The following ZSCAN29 variants were observed in gnomAD, a reference collection of about 807,000 sequenced individuals.
ZSCAN29 encodes the protein zinc finger and SCAN domain-containing protein 29.
A neutral mutation model predicts 71.9 loss-of-function variants in ZSCAN29; 55 were observed. The observed-to-expected ratio is 0.76, with a 90% CI of 0.62 to 0.96. The LOEUF (loss-of-function observed/expected upper bound fraction) is 0.96. Ranked by LOEUF, ZSCAN29 falls within the 40% of genes least tolerant of loss-of-function variation. The pLI, the probability that ZSCAN29 is intolerant of heterozygous loss-of-function variation, is 0.00. For missense variants in ZSCAN29, 1,042 were observed against 1,042.2 expected, an observed-to-expected ratio of 1.00 and a Z score of 0.00; for synonymous variants, 351 against 371.6, an observed-to-expected ratio of 0.94 and a Z score of 0.64.
chr15:43,361,840 G>A lies in ZSCAN29; in HGVS notation c.1792C>T (p.Pro598Ser). The change falls in exon 6 of 6, where the codon CCC becomes TCC. Residue 598 changes from proline (P) to serine (S), a missense_variant. Transcript: ENST00000684362. ...CCTTTACCCTGATGAAGATACCGGGGAATTTTCCTTTCAGATCTTGCAAGT... is the reference window on the plus strand; with the variant it reads ...CCTTTACCCTGATGAAGATACCGGGAAATTTTCCTTTCAGATCTTGCAAGT... ...TLLARSERKI[P>S]RYLHQGKGNE... 1 of 1,614,154 alleles carries A rather than the reference G, an allele frequency of 6.2e-7. No individual in the cohort carries two copies. The highest frequency in any genetic ancestry group is 8.5e-7 in the Non-Finnish European group (1 of 1,180,032).
intron 2 of ZSCAN29, 91 bp downstream of exon 2, chr15:43,369,505 G>C: frequency 7.2e-7 from 1 of 1,389,630 alleles, no homozygotes. Context: ...CACCAAGGGA[G>C]ACTGTGTCCC....
At position 43,364,387 on chromosome 15, in the gene ZSCAN29, C is replaced by T. The variant is rs2044015448; in HGVS notation, c.1223-5G>A. 3 of 1,612,498 alleles carry T rather than the reference C, an allele frequency of 1.9e-6. No individual in the cohort carries two copies. Among genetic ancestry groups the T allele is most frequent in the Non-Finnish European group, 2.5e-6 (3 of 1,179,670 alleles). On this transcript the variant is annotated splice_polypyrimidine_tract_variant and splice_region_variant and intron_variant, in intron 4 of 5. Transcript: ENST00000684362. ...CTTCATAGCCCCAGTGTACACCTGC[C>T]ACCAGAAGAGAAATTTCAGCACCAC...
In ZSCAN29 at chr15:43,366,113, C is replaced by T. The variant is rs145808054; in HGVS notation, c.1219G>A (p.Gly407Ser). 5.4e-4 allele frequency: 863 copies of T among 1,592,474 alleles called. 12 individuals carry two copies. In the South Asian group the frequency reaches 7.9e-3, roughly 15 times the overall value. Residue 407 changes from glycine to serine, a missense_variant, in exon 4 of 6, where the codon GGT becomes AGT. Transcript: ENST00000684362. ...SAAPVVFRSP[G>S]GVHWGYEETK... ...TCCAAGAAGAAAAGCTTCTTACCAC[C>T]TGGGCTTCTGAACACAACAGGTGCA...
At chr15:43,369,555 A>C in intron 2 of ZSCAN29, 41 bp downstream of exon 2, 1 of 1,576,432 alleles carries the variant, frequency 6.3e-7, no homozygotes, top group Non-Finnish European at 8.6e-7. Context: ...CCCTCCACCC[A>C]GTATCACACT....
rs142522180 is a variant in ZSCAN29 at position 43,361,586 on chromosome 15, A to G, written c.2046T>C (p.Asp682=). ...CACTCCGACTGAAGCTTTTCCCACA[A>G]TCAGCACATTTATATGGATTTTCCA... The part of the protein sequence containing the change: ...HQVENPYKCA[D]CGKSFSRSAR... The change falls in exon 6 of 6, where the codon GAT becomes GAC. Residue 682 remains aspartate (D), a synonymous_variant. Transcript: ENST00000684362. The G allele has an allele frequency of 2.2e-4, 356 of 1,614,068 alleles. No individual in the cohort carries two copies. Among genetic ancestry groups the G allele is most frequent in the Non-Finnish European group, 2.8e-4 (330 of 1,180,044 alleles).
rs900663199 is a variant in ZSCAN29, at chr15:43,360,411, A to T, written c.*662T>A. 1 of 151,998 alleles carries T rather than the reference A, an allele frequency of 6.6e-6. No individual in the cohort carries two copies. Among genetic ancestry groups the T allele is most frequent in the Middle Eastern group, 3.1e-3 (1 of 324 alleles). The allele number at this position is 151,998 out of a possible 1,614,324, so 9.4% of individuals were successfully genotyped here. On this transcript the variant is annotated 3_prime_UTR_variant, in exon 6 of 6. Coordinates refer to ENST00000684362, the MANE Select transcript of ZSCAN29 (RefSeq NM_001372080.1). ...AGCACTTTGGGAGGCCGAGGCAGGC[A>T]GATCACCTGAGGTCGGGAGTTTGAG...
chr15:43,364,199 T>A lies in ZSCAN29; in HGVS notation c.1406A>T (p.Gln469Leu). The change falls in exon 5 of 6, where the codon CAA (glutamine) becomes CTA (leucine). Residue 469 changes from glutamine (Q) to leucine (L), a missense_variant. Coordinates refer to ENST00000684362, the MANE Select transcript of ZSCAN29 (RefSeq NM_001372080.1). ...EQCRTKFKSL[Q>L]TSYRKVKNGQ... Reference sequence around the variant, plus strand: ...ATTCTTAACTTTCCGATAGCTGGTTTGCAGGCTTTTAAACTTGGTCCGACA... The same window carrying A: ...ATTCTTAACTTTCCGATAGCTGGTTAGCAGGCTTTTAAACTTGGTCCGACA... 6.2e-7 allele frequency: 1 copy of A among 1,614,222 alleles called. No individual in the cohort carries two copies. Among genetic ancestry groups the A allele is most frequent in the Non-Finnish European group, 8.5e-7 (1 of 1,180,040 alleles).
chr15:43,361,739 C>A lies in ZSCAN29; in HGVS notation c.1893G>T (p.Pro631=), dbSNP rs755380911. 3 of 1,614,136 alleles carry A rather than the reference C, an allele frequency of 1.9e-6. No homozygotes were observed. Among genetic ancestry groups the A allele is most frequent in the Non-Finnish European group, 1.7e-6 (2 of 1,180,028 alleles). The change falls in exon 6 of 6, where the codon CCG becomes CCT. Residue 631 remains proline, a synonymous_variant. Coordinates refer to ENST00000684362, the MANE Select transcript of ZSCAN29 (RefSeq NM_001372080.1). The part of the protein sequence containing the change: ...SGEKRGKLTL[P]EKSLSEVLSQ... ...TTAGGACTTCACTTAAGCTCTTCTC[C>A]GGGAGTGTCAGTTTTCCTCTTTTCT...
chr15:43,362,471 T>C (rs2142726676), intron 5 of ZSCAN29, among the ~76,000 whole-genome samples: 1 of 152,320 alleles, frequency 6.6e-6, no homozygotes, highest in African/African-American at 2.4e-5. Flanking sequence ...GAAAAATATG[T>C]AGTGTCTTTC....
chr15:43,367,166 C>A (rs1048983091), intron 3 of ZSCAN29, among the ~76,000 whole-genome samples: 1 of 152,162 alleles, frequency 6.6e-6, no homozygotes, highest in Non-Finnish European at 1.5e-5. Context: ...AAGGGGGAAG[C>A]GAGAGAAGAT....
Position 43,369,295 on chromosome 15 carries a change from A to T in ZSCAN29, c.319-168T>A, listed in dbSNP as rs1304905863. ...GTCTTATTCCATTGCCATTAGCTTA[A>T]AGCAGTTGAAACTCCAGAAGGAAAC... On this transcript the variant is annotated intron_variant, in intron 2 of 5. Coordinates refer to ENST00000684362, the MANE Select transcript of ZSCAN29 (RefSeq NM_001372080.1). 4.5e-6 allele frequency: 3 copies of T among 662,316 alleles called. No individual in the cohort carries two copies. The African/African-American group carries it at 5.5e-5, about 12-fold the overall frequency. The allele number at this position is 662,316 out of a possible 1,614,324, so 41.0% of individuals were successfully genotyped here. A position where few individuals can be genotyped will look rare whatever the true frequency, so the allele number is the denominator to read the frequency against.
intron 1 of ZSCAN29, 182 bp from the exon 2 acceptor site, chr15:43,370,207 G>C: frequency 2.7e-6 from 1 of 367,784 alleles, no homozygotes; most frequent in Non-Finnish European, 5.0e-6. Context: ...GGAAGCAGCA[G>C]AGAATAAAAG....
intron 3 of ZSCAN29, 31 bp from the exon 4 acceptor site, chr15:43,366,839 A>G (rs959420691): frequency 1.3e-6 from 2 of 1,578,524 alleles, no homozygotes; most frequent in Non-Finnish European, 1.7e-6. Flanking sequence ...AAAAGTTGTC[A>G]TAGTTTGGAC....
In ZSCAN29 at chr15:43,366,688, C is replaced by T. The variant is rs767359082; in HGVS notation, c.644G>A (p.Arg215Gln). 8 of 1,614,230 alleles carry T rather than the reference C, an allele frequency of 5.0e-6. No homozygotes were observed. Among genetic ancestry groups the T allele is most frequent in the South Asian group, 1.1e-5 (1 of 91,082 alleles). ...LPSGSHIGDR[R>Q]VHADLLPSKK... is the part of the protein sequence containing the mutation. ...GGATGGTAACAGATCAGCATGCACT[C>T]GTCTGTCTCCTATGTGGCTGCCACT... The change falls in exon 4 of 6, where the codon CGA becomes CAA. Residue 215 changes from arginine to glutamine, a missense_variant. Coordinates refer to ENST00000684362, the MANE Select transcript of ZSCAN29 (RefSeq NM_001372080.1).
Position 43,363,997 on chromosome 15 carries a change from A to G in ZSCAN29, c.1608T>C (p.Asp536=). The G allele has an allele frequency of 1.9e-6, 3 of 1,614,146 alleles. No homozygotes were observed. The South Asian group carries it at 3.3e-5, about 18-fold the overall frequency. The change falls in exon 5 of 6, where the codon GAT becomes GAC. Residue 536 remains aspartate, a synonymous_variant. Coordinates refer to ENST00000684362, the MANE Select transcript of ZSCAN29 (RefSeq NM_001372080.1). Reference sequence around the variant, plus strand: ...CAGTATCCTCTTCATCATCATCAGAATCTTCCTCTGTGGCCTCGTCTGCTT... The same window carrying G: ...CAGTATCCTCTTCATCATCATCAGAGTCTTCCTCTGTGGCCTCGTCTGCTT... The part of the protein sequence containing the change: ...AEEADEATEE[D]SDDDEEDTEI...
In ZSCAN29 at chr15:43,361,023, T is replaced by C. The variant is rs1401785952; in HGVS notation, c.*50A>G. The C allele has an allele frequency of 1.3e-6, 2 of 1,525,414 alleles. No individual in the cohort carries two copies. Among genetic ancestry groups the C allele is most frequent in the Non-Finnish European group, 1.8e-6 (2 of 1,138,136 alleles). 94.5% of individuals were successfully genotyped at this position (1,525,414 alleles called of 1,614,324 possible). A position where few individuals can be genotyped will look rare whatever the true frequency, so the allele number is the denominator to read the frequency against. ...GATGAATCTCACTATTGGAAGACTT[T>C]CTAAACAATACATTTATTGAGCCTC... On this transcript the variant is annotated 3_prime_UTR_variant, in exon 6 of 6. Coordinates refer to ENST00000684362, the MANE Select transcript of ZSCAN29 (RefSeq NM_001372080.1).
Position 43,369,014 on chromosome 15 carries a change from AC to A in ZSCAN29, c.431del (p.Gly144ValfsTer19), listed in dbSNP as rs1469321889. The A allele has an allele frequency of 1.2e-6, 2 of 1,612,530 alleles. No individual in the cohort carries two copies. The highest frequency in any genetic ancestry group is 1.7e-5 in the Admixed American group (1 of 59,784). ...TTCTTGCCCTCTCTTTCTTGGGTACACCCCTGGGCTGGGGTTCCACTGACTC... is the reference window on the plus strand; with the variant it reads ...TTCTTGCCCTCTCTTTCTTGGGTACACCCTGGGCTGGGGTTCCACTGACTC... ...RQESVEPQPR[G>X]VPKKERARSP... On this transcript the variant is annotated frameshift_variant, in exon 3 of 6. Transcript: ENST00000684362. LOFTEE classifies it high-confidence loss of function.
At chr15:43,370,264 C>T (rs1460094268) in intron 1 of ZSCAN29, 2 of 255,004 alleles carry the variant, frequency 7.8e-6, no homozygotes, top group Admixed American at 5.0e-5. Flanking sequence ...TCCCATTTAA[C>T]TTCCCTGGCC....
Position 43,364,174 on chromosome 15 carries a change from A to G in ZSCAN29, c.1431T>C (p.Asn477=), listed in dbSNP as rs781560238. The stretch of plus-strand genomic sequence containing the variant: ...AGGGACAGGTCTCTGGTGCCTGGCC[A>G]TTCTTAACTTTCCGATAGCTGGTTT... The part of the protein sequence containing the change: ...SLQTSYRKVK[N]GQAPETCPFF... Residue 477 remains asparagine (N), a synonymous_variant, in exon 5 of 6, where the codon AAT becomes AAC. Coordinates refer to ENST00000684362, the MANE Select transcript of ZSCAN29 (RefSeq NM_001372080.1). 4 of 1,614,122 alleles carry G rather than the reference A, an allele frequency of 2.5e-6. No individual in the cohort carries two copies. In the Admixed American group the frequency reaches 6.7e-5, roughly 27 times the overall value.
Sources: gnomAD v4.1 joint callset for allele counts (sites outside exome capture counted in the v4.1 genomes callset) on GRCh38, gnomAD v4.1.1 for gene constraint, MANE v1.5 for transcripts, NCBI Gene and HGNC (gene_info 2026-07-23, HGNC 2026-07-21) for gene names.